The following KATNIP variants were observed in gnomAD, a reference collection of about 807,000 sequenced individuals.
KATNIP encodes the protein katanin interacting protein.
KATNIP carries 126 observed loss-of-function variants against 174.0 expected under a neutral mutation model. That is an observed-to-expected ratio of 0.72 (90% CI 0.63 to 0.84). KATNIP has a LOEUF of 0.84. Among genes scored for constraint, KATNIP ranks in the 40% least tolerant of loss-of-function variants. The pLI, the probability that KATNIP is intolerant of heterozygous loss-of-function variation, is 0.00. For missense variants in KATNIP, 1,958 were observed against 2,109.7 expected (o/e 0.93, Z 1.41); for synonymous variants, 810 against 835.7 (o/e 0.97, Z 0.53).
chr16:27,646,197 T>C (rs1446843661), intron 5 of KATNIP, among the ~76,000 whole-genome samples: 1 of 152,184 alleles, frequency 6.6e-6, no homozygotes, highest in African/African-American at 2.4e-5. Context: ...CAGGTGCAGC[T>C]GGATCCAGGG....
intron 6 of KATNIP, among the ~76,000 whole-genome samples, chr16:27,673,557 C>T (rs2077996960): frequency 6.6e-6 from 1 of 152,176 alleles, no homozygotes; most frequent in Admixed American, 6.5e-5. Flanking sequence ...TCAGCCTTGA[C>T]GTTTTGGCTG....
At chr16:27,663,222 T>C (rs950662605) in intron 6 of KATNIP, among the ~76,000 whole-genome samples, 2 of 137,556 alleles carry the variant, frequency 1.5e-5, no homozygotes, top group Non-Finnish European at 3.1e-5. Flanking sequence ...GGTCTCAAAC[T>C]CCTAGGTTCA....
rs990409382 is a variant in KATNIP at position 27,617,985 on chromosome 16, G to A, written c.64-440G>A. Reference sequence around the variant, plus strand: ...ACTCCTGGGCTCAAGCAATCCTCTCGCCTCAGCCTCCCAAAGTGCTAGTTT... The same window carrying A: ...ACTCCTGGGCTCAAGCAATCCTCTCACCTCAGCCTCCCAAAGTGCTAGTTT... On this transcript the variant is annotated intron_variant, in intron 2 of 27. Coordinates refer to ENST00000261588, the MANE Select transcript of KATNIP (RefSeq NM_015202.5). 7.9e-5 allele frequency among the ~76,000 whole-genome samples: 12 copies of A among 152,180 alleles called. No homozygotes were observed. In the East Asian group the frequency reaches 1.9e-3, roughly 24 times the overall value.
At chr16:27,575,667 G>A (rs2090470225) in intron 2 of KATNIP, among the ~76,000 whole-genome samples, 1 of 152,104 alleles carries the variant, frequency 6.6e-6, no homozygotes, top group African/African-American at 2.4e-5. Context: ...AGTAAGCTGG[G>A]GCTGAACTGC....
intron 2 of KATNIP, 32 bp from the exon 3 acceptor site, chr16:27,618,393 C>T (rs371194080): frequency 9.8e-5 from 152 of 1,548,468 alleles, no homozygotes; most frequent in Middle Eastern, 1.7e-4. Flanking sequence ...CCCTGCATTC[C>T]GATATCACAC....
At position 27,677,794 on chromosome 16, in the gene KATNIP, T is replaced by A. The variant is rs759197340; in HGVS notation, c.606T>A (p.Asp202Glu). 1 of 1,614,124 alleles carries A rather than the reference T, an allele frequency of 6.2e-7. No individual in the cohort carries two copies. Among genetic ancestry groups the A allele is most frequent in the Non-Finnish European group, 8.5e-7 (1 of 1,179,956 alleles). ...GGAAACAAAAGGATTGTTCCAGCGA[T>A]GAGTATGACTCTATTGAGGAAGACA... ...LQRKQKDCSSDEYDSIEEDIL... is the reference protein window; with the variant it reads ...LQRKQKDCSSEEYDSIEEDIL... The change falls in exon 7 of 28, where the codon GAT becomes GAA. Residue 202 changes from aspartate to glutamate, a missense_variant. Around this residue, in one of 3 missense-constraint regions of KATNIP, gnomAD observed 1,557 missense variants for 1,617.8 expected, o/e 0.96. Transcript: ENST00000261588.
intron 1 of KATNIP, among the ~76,000 whole-genome samples, chr16:27,568,604 A>G (rs1426089542): frequency 6.6e-6 from 1 of 152,100 alleles, no homozygotes; most frequent in Non-Finnish European, 1.5e-5. Context: ...AGCTAAGACT[A>G]CAGGCACATG....
intron 1 of KATNIP, among the ~76,000 whole-genome samples, chr16:27,562,942 T>G (rs1315898718): frequency 1.3e-5 from 2 of 152,212 alleles, no homozygotes; most frequent in African/African-American, 4.8e-5. Flanking sequence ...AGATGACATC[T>G]CTACTGCAGA....
chr16:27,673,870 A>G (rs918617106), intron 6 of KATNIP, among the ~76,000 whole-genome samples: 1 of 152,212 alleles, frequency 6.6e-6, no homozygotes, highest in African/African-American at 2.4e-5. Flanking sequence ...CCTCCAAGGT[A>G]CATGAGGGCA....
At chr16:27,753,999 G>T (rs1046982410) in intron 17 of KATNIP, among the ~76,000 whole-genome samples, 174 bp from the exon 18 acceptor site, 1 of 152,140 alleles carries the variant, frequency 6.6e-6, no homozygotes, top group Non-Finnish European at 1.5e-5. Context: ...GTCAGGGTCC[G>T]CCCATATCAC....
chr16:27,699,012 T>A (rs958903584), intron 9 of KATNIP, among the ~76,000 whole-genome samples: 5 of 151,662 alleles, frequency 3.3e-5, no homozygotes, highest in Non-Finnish European at 5.9e-5. Context: ...AACAGGAGGA[T>A]AAATGGTGGG....
chr16:27,591,855 G>GC lies in KATNIP; in HGVS notation c.63+17900dup, dbSNP rs138773469. The stretch of plus-strand genomic sequence containing the variant: ...CTTTTGCCTCCTGAACTTTTCTTAA[G>GC]CACTCTTCCCTCCCAATGCCTCCCC... On this transcript the variant is annotated intron_variant, in intron 2 of 27. Transcript: ENST00000261588. Among the ~76,000 whole-genome samples the GC allele has an allele frequency of 9.5e-3, 1,453 of 152,184 alleles. 25 individuals carry two copies. Among genetic ancestry groups the GC allele is most frequent in the African/African-American group, 0.033 (1,389 of 41,510 alleles).
chr16:27,594,376 C>T (rs4787976), intron 2 of KATNIP, among the ~76,000 whole-genome samples: 122,739 of 151,884 alleles, frequency 0.81, 49,802 homozygotes, highest in East Asian at 1. Context: ...GTTGTGGTGT[C>T]CGTGACTCAC....
In KATNIP at chr16:27,708,902, C is replaced by G. The variant is rs115314923; in HGVS notation, c.1587C>G (p.Leu529=). 3.1e-6 allele frequency: 5 copies of G among 1,612,868 alleles called. No homozygotes were observed. The highest frequency in any genetic ancestry group is 4.2e-6 in the Non-Finnish European group (5 of 1,179,658). Reference sequence around the variant, plus strand: ...CCACGCCTGGGGAGCTGGGCCGCCTCGTCAACAGGAACTTAGCTGTGAGTG... The same window carrying G: ...CCACGCCTGGGGAGCTGGGCCGCCTGGTCAACAGGAACTTAGCTGTGAGTG... The part of the protein sequence containing the change: ...NTATPGELGR[L]VNRNLAGKKD... The change falls in exon 13 of 28, where the codon CTC becomes CTG. Residue 529 remains leucine, a synonymous_variant. Transcript: ENST00000261588.
chr16:27,582,544 A>G (rs1235720592), intron 2 of KATNIP, among the ~76,000 whole-genome samples: 1 of 152,208 alleles, frequency 6.6e-6, no homozygotes. Flanking sequence ...CCCTGGTAAC[A>G]TTGACAACTT....
At chr16:27,654,537 C>A (rs2077208281) in intron 6 of KATNIP, 6 of 1,290,464 alleles carry the variant, frequency 4.6e-6, no homozygotes, top group Admixed American at 1.9e-5. Context: ...AACAGAAGAG[C>A]GAGGCCCCAG....
intron 19 of KATNIP, among the ~76,000 whole-genome samples, chr16:27,762,560 A>G (rs1257921322): frequency 6.6e-6 from 1 of 151,978 alleles, no homozygotes; most frequent in Non-Finnish European, 1.5e-5. Context: ...TCACTTAACC[A>G]CTAAGTTATA....
intron 2 of KATNIP, among the ~76,000 whole-genome samples, chr16:27,615,457 C>T (rs567323574): frequency 1.1e-3 from 165 of 152,028 alleles, no homozygotes; most frequent in African/African-American, 3.7e-3. Flanking sequence ...CAAGTTCAAG[C>T]GATTCTCCTG....
intron 1 of KATNIP, among the ~76,000 whole-genome samples, chr16:27,570,298 T>C (rs2141674299): frequency 6.6e-6 from 1 of 152,128 alleles, no homozygotes; most frequent in South Asian, 2.1e-4. Flanking sequence ...GCGCAGTGGC[T>C]CACTCCTGTA....
Sources: allele counts gnomAD v4.1 joint callset (sites outside exome capture counted in the v4.1 genomes callset), GRCh38; gene constraint gnomAD v4.1.1; regional missense constraint gnomAD v4.1.1; transcripts MANE v1.5; gene names NCBI Gene and HGNC (gene_info 2026-07-23, HGNC 2026-07-21).